XKR6: variants seen among roughly 807,000 people sequenced by gnomAD.
XKR6 encodes the protein XK-related protein 6.
Under a neutral mutation model 56.7 loss-of-function variants are expected in XKR6, and 22 were observed. The observed-to-expected ratio is 0.39, with a 90% CI of 0.28 to 0.55. The LOEUF (loss-of-function observed/expected upper bound fraction) is 0.55, where lower values mean the gene tolerates loss of function less well. Among genes scored for constraint, XKR6 ranks in the 20% least tolerant of loss-of-function variants. The pLI, the probability that XKR6 is intolerant of heterozygous loss-of-function variation, is 0.66. For synonymous variants in XKR6, 524 were observed against 387.8 expected (o/e 1.35, Z -4.13); for missense variants, 852 against 889.0 (o/e 0.96, Z 0.53).
At chr8:11,080,944 C>A (rs1234892156) in intron 1 of XKR6, among the ~76,000 whole-genome samples, 2 of 152,088 alleles carry the variant, frequency 1.3e-5, no homozygotes, top group African/African-American at 4.8e-5. Flanking sequence ...ATCCGTATGA[C>A]AAGGAGAAAA....
intron 1 of XKR6, among the ~76,000 whole-genome samples, chr8:11,085,472 G>A (rs1484027935): frequency 1.3e-5 from 2 of 152,160 alleles, no homozygotes; most frequent in Admixed American, 6.5e-5. Flanking sequence ...ATGTGCATGT[G>A]TGTGTGTGTG....
chr8:10,898,322 C>T lies in XKR6; in HGVS notation c.1556G>A (p.Gly519Asp). ...ASSCCAELLWGIPLPPDVEPM... is the reference protein window; with the variant it reads ...ASSCCAELLWDIPLPPDVEPM... ...CTCAACATCGGGGGGCAAAGGGATG[C>T]CCCAGAGCAGCTCGGCACAACAGGA... is the stretch of plus-strand genomic sequence containing the variant. The change falls in exon 3 of 3, where the codon GGC becomes GAC. Residue 519 changes from glycine to aspartate, a missense_variant. By Grantham distance (94) the Gly-to-Asp change is moderately conservative (BLOSUM62 -1). This residue lies in a region of XKR6 where 197 missense variants were observed against 190.9 expected (regional missense o/e 1.03). Transcript: ENST00000416569. This position sits in a 1 kb window ranked among gnomAD's most constrained non-coding sequence, Gnocchi z 6.6. 3 of 1,613,984 alleles carry T rather than the reference C, an allele frequency of 1.9e-6. No individual in the cohort carries two copies. The highest frequency in any genetic ancestry group is 2.5e-6 in the Non-Finnish European group (3 of 1,179,930).
At chr8:10,903,516 A>C (rs759311343) in intron 2 of XKR6, among the ~76,000 whole-genome samples, 18 of 152,106 alleles carry the variant, frequency 1.2e-4, no homozygotes, top group Non-Finnish European at 2.5e-4. Flanking sequence ...TCCCCCCCAC[A>C]AAATCCATAT....
intron 1 of XKR6, among the ~76,000 whole-genome samples, chr8:11,057,238 T>C (rs1473547206): frequency 3.9e-5 from 6 of 152,190 alleles, no homozygotes; most frequent in Admixed American, 3.3e-4. Context: ...ACTGCCTGCT[T>C]TATGTGTCTT....
At chr8:11,169,610 G>C (rs1420150493) in intron 1 of XKR6, among the ~76,000 whole-genome samples, 1 of 152,206 alleles carries the variant, frequency 6.6e-6, no homozygotes, top group Non-Finnish European at 1.5e-5. Flanking sequence ...TTAGCATACA[G>C]TTTATCAGAG....
At chr8:10,912,620 A>AGT (rs1477399360) in intron 2 of XKR6, among the ~76,000 whole-genome samples, 1 of 137,214 alleles carries the variant, frequency 7.3e-6, no homozygotes, top group Non-Finnish European at 1.6e-5. Context: ...AGGGTGTGTG[A>AGT]GTATATATAT....
intron 1 of XKR6, among the ~76,000 whole-genome samples, chr8:11,163,489 G>A (rs768498902): frequency 6.6e-6 from 1 of 152,114 alleles, no homozygotes; most frequent in African/African-American, 2.4e-5. Flanking sequence ...TCTTTCTTTC[G>A]TCACATCTGT....
intron 1 of XKR6, among the ~76,000 whole-genome samples, chr8:11,054,001 T>C (rs568775218): frequency 3.3e-5 from 5 of 151,650 alleles, no homozygotes; most frequent in Middle Eastern, 6.9e-3. Flanking sequence ...AGAACTGGAG[T>C]GGATGTTTTT....
intron 1 of XKR6, among the ~76,000 whole-genome samples, chr8:10,929,748 C>A (rs966090724): frequency 6.6e-6 from 1 of 152,186 alleles, no homozygotes; most frequent in Admixed American, 6.5e-5. Flanking sequence ...GTCACAGGGG[C>A]CTTAAATAAG....
At chr8:11,099,551 A>G (rs1289417870) in intron 1 of XKR6, among the ~76,000 whole-genome samples, 3 of 152,206 alleles carry the variant, frequency 2.0e-5, no homozygotes, top group African/African-American at 4.8e-5. Context: ...GATTTTTTTC[A>G]TAACTCCTTT....
intron 1 of XKR6, among the ~76,000 whole-genome samples, chr8:11,165,816 T>C (rs999587289): frequency 1.3e-5 from 2 of 152,138 alleles, no homozygotes; most frequent in Non-Finnish European, 2.9e-5. Flanking sequence ...CGTACAATGG[T>C]AGAACTTGTC....
intron 1 of XKR6, among the ~76,000 whole-genome samples, chr8:11,066,348 A>T (rs1218144579): frequency 6.6e-6 from 1 of 152,240 alleles, no homozygotes; most frequent in Non-Finnish European, 1.5e-5. Context: ...CATCTTCAGG[A>T]ATACACTGAC....
intron 1 of XKR6, among the ~76,000 whole-genome samples, chr8:10,964,204 A>T (rs1489364067): frequency 6.6e-6 from 1 of 151,992 alleles, no homozygotes; most frequent in African/African-American, 2.4e-5. Context: ...ATCCTGGGGG[A>T]AGACCTTGAT....
At chr8:11,035,136 G>C in intron 1 of XKR6, 1 of 521,478 alleles carries the variant, frequency 1.9e-6, no homozygotes, top group Non-Finnish European at 4.0e-6. Context: ...CCATGAGGTC[G>C]AAAGACAAAC....
At chr8:11,046,383 G>C (rs144805609) in intron 1 of XKR6, among the ~76,000 whole-genome samples, 38 of 152,296 alleles carry the variant, frequency 2.5e-4, no homozygotes, top group Middle Eastern at 6.8e-3. Flanking sequence ...CTGGGCAACA[G>C]AGTGGGACTC....
chr8:11,032,590 T>A (rs78920828), intron 1 of XKR6, among the ~76,000 whole-genome samples: 6,010 of 152,106 alleles, frequency 0.04, 407 homozygotes, highest in African/African-American at 0.14. Context: ...AGGGCTGTAA[T>A]AGAGATGTGT....
At chr8:11,004,787 C>G (rs1328514857) in intron 1 of XKR6, among the ~76,000 whole-genome samples, 4 of 152,150 alleles carry the variant, frequency 2.6e-5, no homozygotes, top group Non-Finnish European at 4.4e-5. Flanking sequence ...TGGAGACAAC[C>G]CAAGTGTCCA....
At position 10,919,929 on chromosome 8, in the gene XKR6, T is replaced by C. The variant is rs149854191; in HGVS notation, c.961+4705A>G. Among the ~76,000 whole-genome samples, 433 of 152,354 alleles carry C rather than the reference T, an allele frequency of 2.8e-3. 1 individual carries two copies. The highest frequency in any genetic ancestry group is 9.9e-3 in the African/African-American group (413 of 41,592). On this transcript the variant is annotated intron_variant, in intron 2 of 2. Transcript: ENST00000416569. ...TGTCCAAATGACTCCAGCATAATAA[T>C]TGTATGATATATTACTATTATTTCC...
chr8:10,960,606 C>G (rs1802033111), intron 1 of XKR6, among the ~76,000 whole-genome samples: 1 of 152,206 alleles, frequency 6.6e-6, no homozygotes, highest in South Asian at 2.1e-4. Context: ...CACAGCCCAG[C>G]CACAGGGGCA....
Sources: gnomAD v4.1 joint callset for allele counts (sites outside exome capture counted in the v4.1 genomes callset) on GRCh38, gnomAD v4.1.1 for gene constraint, gnomAD v4.1.1 regional missense constraint, Gnocchi (gnomAD v3.1) non-coding constraint, MANE v1.5 for transcripts, NCBI Gene and HGNC (gene_info 2026-07-23, HGNC 2026-07-21) for gene names.